RELN: variants seen among roughly 807,000 people sequenced by gnomAD.
RELN encodes reelin.
A neutral mutation model predicts 427.6 loss-of-function variants in RELN; 108 were observed. That is an observed-to-expected ratio of 0.25 (90% CI 0.22 to 0.30). The LOEUF is 0.30. Ranked by LOEUF, RELN falls within the 10% of genes least tolerant of loss-of-function variation. The pLI is 1.00. For missense variants in RELN, 3,715 were observed against 4,302.8 expected, an observed-to-expected ratio of 0.86 and a Z score of 3.82; for synonymous variants, 1,524 against 1,513.4, an observed-to-expected ratio of 1.01 and a Z score of -0.16.
intron 2 of RELN, among the ~76,000 whole-genome samples, chr7:103,841,614 C>A (rs1427494611): frequency 6.6e-6 from 1 of 152,064 alleles, no homozygotes; most frequent in Non-Finnish European, 1.5e-5. Flanking sequence ...TTGTGTGAAC[C>A]CCGTTTTCCC....
intron 62 of RELN, 108 bp from the exon 63 acceptor site, chr7:103,483,079 A>G: frequency 1.2e-6 from 1 of 850,730 alleles, no homozygotes; most frequent in South Asian, 1.4e-5. Context: ...AAATCAACAA[A>G]ATGTTATGCA....
At chr7:103,795,761 G>A (rs1449156630) in intron 3 of RELN, among the ~76,000 whole-genome samples, 1 of 152,138 alleles carries the variant, frequency 6.6e-6, no homozygotes, top group Admixed American at 6.5e-5. Flanking sequence ...CTAACAGCAG[G>A]AAAATAATGG....
Position 103,885,580 on chromosome 7 carries a change from G to T in RELN, c.337+31495C>A, listed in dbSNP as rs551335222. Among the ~76,000 whole-genome samples the T allele has an allele frequency of 5.3e-5, 8 of 152,168 alleles. No homozygotes were observed. The South Asian group carries it at 8.3e-4, about 16-fold the overall frequency. On this transcript the variant is annotated intron_variant, in intron 2 of 64. Coordinates refer to ENST00000428762, the MANE Select transcript of RELN (RefSeq NM_005045.4). ...AAGGAACGGAACATCACACACCGGG[G>T]CCTGTTGTGGGTTGGGGGACTTAGG... is the stretch of plus-strand genomic sequence containing the variant.
intron 2 of RELN, among the ~76,000 whole-genome samples, chr7:103,845,022 A>T (rs1309490079): frequency 6.6e-6 from 1 of 152,198 alleles, no homozygotes; most frequent in African/African-American, 2.4e-5. Flanking sequence ...GGATCTGATT[A>T]TTTTAACTGT....
chr7:103,663,915 T>C (rs1043214140), intron 11 of RELN, among the ~76,000 whole-genome samples: 3 of 152,202 alleles, frequency 2.0e-5, no homozygotes. Context: ...GACTGACCTC[T>C]ATGGCCCCAG....
chr7:103,605,452 C>T lies in RELN; in HGVS notation c.3009-969G>A, dbSNP rs562624563. On this transcript the variant is annotated intron_variant, in intron 22 of 64. Coordinates refer to ENST00000428762, the MANE Select transcript of RELN (RefSeq NM_005045.4). ...CACTTGGGCCCTTAATTCACTGAAA[C>T]GAAATATAAAGTCCAGAGAAGTGGA... 1.7e-4 allele frequency among the ~76,000 whole-genome samples: 26 copies of T among 152,184 alleles called. 1 individual carries two copies. Among genetic ancestry groups the T allele is most frequent in the South Asian group, 1.7e-3 (8 of 4,820 alleles).
intron 2 of RELN, among the ~76,000 whole-genome samples, chr7:103,906,416 G>C (rs1174503096): frequency 6.6e-6 from 1 of 152,184 alleles, no homozygotes; most frequent in African/African-American, 2.4e-5. Context: ...CAGATAGCAA[G>C]TGCTTGATAA....
At chr7:103,800,961 C>A (rs1281622563) in intron 3 of RELN, among the ~76,000 whole-genome samples, 1 of 152,108 alleles carries the variant, frequency 6.6e-6, no homozygotes, top group Non-Finnish European at 1.5e-5. Flanking sequence ...ATTTATGCAG[C>A]CAAAAGACAC....
chr7:103,595,182 T>C (rs1226816636), intron 25 of RELN, among the ~76,000 whole-genome samples: 2 of 152,322 alleles, frequency 1.3e-5, no homozygotes, highest in African/African-American at 4.8e-5. Context: ...TAGAGTTACC[T>C]AGTCACCTTA....
chr7:103,977,427 T>G (rs1472393793), intron 1 of RELN, among the ~76,000 whole-genome samples: 1 of 151,274 alleles, frequency 6.6e-6, no homozygotes, highest in Non-Finnish European at 1.5e-5. Flanking sequence ...TATACTGCAG[T>G]GTGCAACTTT....
chr7:103,674,123 T>C (rs1388439776), intron 11 of RELN, among the ~76,000 whole-genome samples: 2 of 152,226 alleles, frequency 1.3e-5, no homozygotes, highest in Admixed American at 1.3e-4. Context: ...AACATTTCAA[T>C]ACTCAAATTT....
intron 1 of RELN, among the ~76,000 whole-genome samples, chr7:103,952,446 T>C (rs2116767054): frequency 6.6e-6 from 1 of 152,346 alleles, no homozygotes; most frequent in Non-Finnish European, 1.5e-5. Context: ...AGCTAACAAC[T>C]TTCATTTCCA....
At chr7:103,754,807 G>A (rs1791092992) in intron 4 of RELN, among the ~76,000 whole-genome samples, 1 of 151,984 alleles carries the variant, frequency 6.6e-6, no homozygotes, top group African/African-American at 2.4e-5. Flanking sequence ...GAAGTGAAAT[G>A]CACAGTCAAA....
intron 6 of RELN, among the ~76,000 whole-genome samples, chr7:103,734,041 G>A (rs1301488938): frequency 1.3e-5 from 2 of 152,054 alleles, no homozygotes; most frequent in African/African-American, 2.4e-5. Context: ...TTTCATTTGC[G>A]GGATAATGAG....
intron 51 of RELN, among the ~76,000 whole-genome samples, chr7:103,505,752 G>A (rs1584244682): frequency 6.6e-6 from 1 of 152,316 alleles, no homozygotes; most frequent in Non-Finnish European, 1.5e-5. Flanking sequence ...CAAATTGACA[G>A]AAGTAGGCTT....
At chr7:103,717,084 T>C (rs1789956701) in intron 8 of RELN, among the ~76,000 whole-genome samples, 1 of 152,274 alleles carries the variant, frequency 6.6e-6, no homozygotes, top group Non-Finnish European at 1.5e-5. Flanking sequence ...AAGGGGATAA[T>C]ACCTGTGTCA....
intron 2 of RELN, among the ~76,000 whole-genome samples, chr7:103,888,891 C>A (rs1366051127): frequency 2.0e-5 from 3 of 152,196 alleles, no homozygotes; most frequent in Non-Finnish European, 4.4e-5. Flanking sequence ...CTCCGGATGA[C>A]TCCTGCTGAC....
rs575927415 is a variant in RELN, at chr7:103,563,862, T to C, written c.5210+1416A>G. 5.9e-5 allele frequency among the ~76,000 whole-genome samples: 9 copies of C among 152,372 alleles called. No individual in the cohort carries two copies. The highest frequency in any genetic ancestry group is 2.1e-4 in the South Asian group (1 of 4,830). ...TGTTACAATTGCTTACAGTATTTAG[T>C]ATAGCAATATGCTGTACAGCTTTGT... On this transcript the variant is annotated intron_variant, in intron 34 of 64. Coordinates refer to ENST00000428762, the MANE Select transcript of RELN (RefSeq NM_005045.4). The surrounding 1 kb of genome is among the most constrained non-coding windows in gnomAD (Gnocchi z 4.1).
At chr7:103,938,465 TTTTAA>T (rs2116728829) in intron 1 of RELN, among the ~76,000 whole-genome samples, 1 of 152,316 alleles carries the variant, frequency 6.6e-6, no homozygotes, top group South Asian at 2.1e-4. Flanking sequence ...ATAATTTTTA[TTTTAA>T]TTTTACTTAT....
Sources: gnomAD v4.1 joint callset for allele counts (sites outside exome capture counted in the v4.1 genomes callset) on GRCh38, gnomAD v4.1.1 for gene constraint, Gnocchi (gnomAD v3.1) non-coding constraint, MANE v1.5 for transcripts, NCBI Gene and HGNC (gene_info 2026-07-23, HGNC 2026-07-21) for gene names.